The following FOXP2 variants were observed in gnomAD, a reference collection of about 807,000 sequenced individuals.
FOXP2 encodes forkhead box P2, also known as forkhead box protein P2.
A neutral mutation model predicts 115.8 loss-of-function variants in FOXP2; 12 were observed. The ratio of observed to expected loss-of-function variants is 0.10; its 90% CI spans 0.07 to 0.17. The LOEUF is 0.17. FOXP2 is among the 10% of genes least tolerant of loss of function. The pLI is 1.00. For synonymous variants in FOXP2, 328 were observed against 297.7 expected, an observed-to-expected ratio of 1.10 and a Z score of -1.05; for missense variants, 629 against 843.5, an observed-to-expected ratio of 0.75 and a Z score of 3.15.
intron 2 of FOXP2, among the ~76,000 whole-genome samples, chr7:114,430,861 A>G (rs1794075691): frequency 6.6e-6 from 1 of 151,958 alleles, no homozygotes; most frequent in African/African-American, 2.4e-5. Flanking sequence ...AGGTGTTTCT[A>G]GGTTAAGCAC....
At chr7:114,298,476 T>C (rs1584617909) in intron 2 of FOXP2, among the ~76,000 whole-genome samples, 1 of 152,210 alleles carries the variant, frequency 6.6e-6, no homozygotes, top group South Asian at 2.1e-4. Context: ...ATCCAACATG[T>C]TGTAATATCA....
intron 2 of FOXP2, among the ~76,000 whole-genome samples, chr7:114,520,630 G>A (rs1584844267): frequency 1.3e-5 from 2 of 152,180 alleles, no homozygotes; most frequent in Non-Finnish European, 2.9e-5. Flanking sequence ...CTAATTCTAA[G>A]TGAAAATACA....
At chr7:114,209,183 C>G (rs987635171) in intron 1 of FOXP2, among the ~76,000 whole-genome samples, 2 of 152,068 alleles carry the variant, frequency 1.3e-5, no homozygotes, top group Non-Finnish European at 1.5e-5. Flanking sequence ...TAAGGGGGTC[C>G]CTCCTTTGCT....
chr7:114,337,459 T>G (rs1797881251), intron 2 of FOXP2, among the ~76,000 whole-genome samples: 1 of 151,278 alleles, frequency 6.6e-6, no homozygotes, highest in South Asian at 2.1e-4. Context: ...ATTTTGGATT[T>G]TTATGCTGTA....
intron 3 of FOXP2, among the ~76,000 whole-genome samples, chr7:114,586,894 C>T (rs753091017): frequency 2.0e-5 from 3 of 151,786 alleles, no homozygotes; most frequent in Admixed American, 6.6e-5. Context: ...GAAAATTTCA[C>T]GCTATTGCAA....
chr7:114,399,235 G>A (rs1257844311), intron 2 of FOXP2, among the ~76,000 whole-genome samples: 1 of 151,424 alleles, frequency 6.6e-6, no homozygotes, highest in African/African-American at 2.4e-5. Context: ...AGCCTCCCGA[G>A]TAGCTGTGAT....
chr7:114,649,447 C>G (rs1054140870), intron 8 of FOXP2, among the ~76,000 whole-genome samples: 4 of 152,030 alleles, frequency 2.6e-5, no homozygotes, highest in Admixed American at 2.6e-4. Flanking sequence ...CTGAGAAAAT[C>G]CACCAATCCT....
intron 1 of FOXP2, among the ~76,000 whole-genome samples, chr7:114,167,954 A>C (rs1259080186): frequency 4.0e-5 from 6 of 150,180 alleles, no homozygotes; most frequent in Admixed American, 2.7e-4. Flanking sequence ...AAAAAAAAAA[A>C]CACGAGAGTT....
chr7:114,569,517 C>T (rs1336004014), intron 3 of FOXP2, among the ~76,000 whole-genome samples: 1 of 151,906 alleles, frequency 6.6e-6, no homozygotes, highest in Non-Finnish European at 1.5e-5. Context: ...ATTGGAGTCA[C>T]ACCCCTGTGT....
intron 2 of FOXP2, among the ~76,000 whole-genome samples, chr7:114,518,613 C>T (rs889481285): frequency 1.3e-5 from 2 of 152,092 alleles, no homozygotes; most frequent in Non-Finnish European, 2.9e-5. Context: ...AGCGATTCTC[C>T]TGCCTCAGTC....
intron 6 of FOXP2, among the ~76,000 whole-genome samples, chr7:114,637,198 A>G (rs1805269415): frequency 6.6e-6 from 1 of 152,118 alleles, no homozygotes. Context: ...TATCTGTGGT[A>G]TGATAGACAA....
At chr7:114,383,795 A>C (rs1321380692) in intron 2 of FOXP2, among the ~76,000 whole-genome samples, 1 of 152,234 alleles carries the variant, frequency 6.6e-6, no homozygotes, top group African/African-American at 2.4e-5. Flanking sequence ...TTCCCATCTG[A>C]AAAAAGAACA....
At chr7:114,566,531 C>A (rs2078109) in intron 3 of FOXP2, among the ~76,000 whole-genome samples, 3,729 of 152,192 alleles carry the variant, frequency 0.025, 158 homozygotes, top group African/African-American at 0.085. Context: ...TTTCTACACA[C>A]GTGTTTCCCC....
intron 15 of FOXP2, 146 bp downstream of exon 15, chr7:114,663,665 A>G: frequency 1.5e-6 from 1 of 687,492 alleles, no homozygotes; most frequent in Non-Finnish European, 2.5e-6. Context: ...TATAGACAGC[A>G]CTGGTTCTAA....
upstream of FOXP2, chr7:114,414,602 C>A (rs1170872224): frequency 1.3e-5 from 2 of 158,030 alleles, no homozygotes; most frequent in African/African-American, 2.4e-5. Context: ...TCTGCTTGGA[C>A]AAATTGTCAT....
At chr7:114,495,232 T>C (rs901076558) in intron 2 of FOXP2, among the ~76,000 whole-genome samples, 39 of 152,184 alleles carry the variant, frequency 2.6e-4, no homozygotes, top group African/African-American at 8.9e-4. Context: ...GGCTTGTATA[T>C]CCCCTGCAGT....
chr7:114,453,544 G>A (rs924776141), intron 2 of FOXP2, among the ~76,000 whole-genome samples: 1 of 152,002 alleles, frequency 6.6e-6, no homozygotes, highest in Non-Finnish European at 1.5e-5. Context: ...CTTCTTGGTG[G>A]CAAGACATGT....
chr7:114,403,632 C>T (rs1792947709), intron 2 of FOXP2, among the ~76,000 whole-genome samples: 1 of 152,122 alleles, frequency 6.6e-6, no homozygotes, highest in Non-Finnish European at 1.5e-5. Flanking sequence ...TACAAGGATA[C>T]TATAGCTTAC....
intron 2 of FOXP2, among the ~76,000 whole-genome samples, chr7:114,490,401 A>G (rs894608160): frequency 6.6e-6 from 1 of 152,178 alleles, no homozygotes; most frequent in Non-Finnish European, 1.5e-5. Context: ...AGTGATTGTC[A>G]GGGGCTCAGG....
Sources: gnomAD v4.1 joint callset for allele counts (sites outside exome capture counted in the v4.1 genomes callset) on GRCh38, gnomAD v4.1.1 for gene constraint, MANE v1.5 for transcripts, NCBI Gene and HGNC (gene_info 2026-07-23, HGNC 2026-07-21) for gene names.